Variants in ATXN7L1 observed in about 807,000 individuals in gnomAD.
ATXN7L1 encodes the protein ataxin 7 like 1.
ATXN7L1 carries 15 observed loss-of-function variants against 70.8 expected under a neutral mutation model. The observed-to-expected ratio is 0.21, with a 90% CI of 0.14 to 0.33. The LOEUF is 0.33. Ranked by LOEUF, ATXN7L1 falls within the 10% of genes least tolerant of loss-of-function variation. The pLI is 1.00. For synonymous variants in ATXN7L1, 440 were observed against 445.1 expected, an observed-to-expected ratio of 0.99 and a Z score of 0.14; for missense variants, 975 against 1,097.1, an observed-to-expected ratio of 0.89 and a Z score of 1.57.
intron 10 of ATXN7L1, among the ~76,000 whole-genome samples, chr7:105,611,818 AC>A (rs949959212): frequency 3.3e-5 from 5 of 152,096 alleles, no homozygotes; most frequent in African/African-American, 1.2e-4. Context: ...CGTTGCCCCG[AC>A]CCCGATCTCC....
At chr7:105,874,581 T>A (rs1201168517) in intron 2 of ATXN7L1, among the ~76,000 whole-genome samples, 1 of 152,228 alleles carries the variant, frequency 6.6e-6, no homozygotes, top group Non-Finnish European at 1.5e-5. Flanking sequence ...TAGAATAATG[T>A]TTTGTTCCCA....
intron 3 of ATXN7L1, among the ~76,000 whole-genome samples, chr7:105,704,498 G>C (rs182201662): frequency 2.0e-5 from 3 of 147,484 alleles, no homozygotes; most frequent in East Asian, 4.1e-4. Context: ...GGATGATACT[G>C]TTTAATTCAC....
chr7:105,855,870 A>G (rs906263208), intron 2 of ATXN7L1, among the ~76,000 whole-genome samples: 2 of 152,238 alleles, frequency 1.3e-5, no homozygotes, highest in African/African-American at 4.8e-5. Context: ...GATTATTTAA[A>G]GTCTATGAAA....
At chr7:105,718,844 GAGA>G (rs1794864819) in intron 3 of ATXN7L1, among the ~76,000 whole-genome samples, 1 of 152,236 alleles carries the variant, frequency 6.6e-6, no homozygotes, top group South Asian at 2.1e-4. Flanking sequence ...CAGAAGCCAA[GAGA>G]AGGTTACAGC....
At chr7:105,802,290 C>T (rs577218067) in intron 2 of ATXN7L1, among the ~76,000 whole-genome samples, 41 of 152,198 alleles carry the variant, frequency 2.7e-4, no homozygotes, top group African/African-American at 7.2e-4. Flanking sequence ...AATATGTGGA[C>T]GGCGCAGAGG....
intron 3 of ATXN7L1, among the ~76,000 whole-genome samples, chr7:105,757,868 G>A (rs981555872): frequency 1.3e-5 from 2 of 151,968 alleles, no homozygotes; most frequent in African/African-American, 2.4e-5. Context: ...GGGATTACAG[G>A]TGTGAGCTAC....
rs747136671 is a variant in ATXN7L1, at chr7:105,624,166, C to T, written c.1304G>A (p.Arg435Gln). 73 of 1,533,224 alleles carry T rather than the reference C, an allele frequency of 4.8e-5. No homozygotes were observed. The highest frequency in any genetic ancestry group is 3.4e-4 in the Middle Eastern group (2 of 5,920). The allele number at this position is 1,533,224 out of a possible 1,614,324, so 95.0% of individuals were successfully genotyped here. Residue 435 changes from arginine to glutamine, a missense_variant, in exon 8 of 12, where the codon CGA (arginine) becomes CAA (glutamine). This residue lies in a region of ATXN7L1 where 635 missense variants were observed against 699.4 expected (regional missense o/e 0.91). Transcript: ENST00000419735. ...LPPVGGDLAS[R>Q]LSSDEGEMDG... ...CATCTCCCCTTCATCACTGGACAGTCGGCTGGCGAGGTCACCTCCAACCGG... is the reference window on the plus strand; with the variant it reads ...CATCTCCCCTTCATCACTGGACAGTTGGCTGGCGAGGTCACCTCCAACCGG...
chr7:105,770,947 A>AT (rs1801899856), intron 3 of ATXN7L1, among the ~76,000 whole-genome samples: 1 of 152,108 alleles, frequency 6.6e-6, no homozygotes, highest in Admixed American at 6.5e-5. Flanking sequence ...CATGTCTGTA[A>AT]TCCCAGAACT....
intron 3 of ATXN7L1, among the ~76,000 whole-genome samples, chr7:105,705,970 C>G (rs745496875): frequency 2.0e-5 from 3 of 152,158 alleles, no homozygotes; most frequent in Non-Finnish European, 4.4e-5. Context: ...GGAACTTTTT[C>G]TTAGTACTGG....
chr7:105,732,208 G>A (rs1310138627), intron 3 of ATXN7L1, among the ~76,000 whole-genome samples: 2 of 152,126 alleles, frequency 1.3e-5, no homozygotes, highest in African/African-American at 4.8e-5. Context: ...TCAGGGGTTC[G>A]AGACTAGCCT....
At chr7:105,750,679 T>A (rs542700479) in intron 3 of ATXN7L1, among the ~76,000 whole-genome samples, 1 of 152,246 alleles carries the variant, frequency 6.6e-6, no homozygotes, top group East Asian at 1.9e-4. Flanking sequence ...GGCAGGCGCC[T>A]GTAATCCCAG....
intron 2 of ATXN7L1, among the ~76,000 whole-genome samples, chr7:105,815,719 A>G (rs1809084161): frequency 6.6e-6 from 1 of 152,246 alleles, no homozygotes; most frequent in Non-Finnish European, 1.5e-5. Context: ...TAGGTCCAAG[A>G]AAAACAGGGA....
intron 2 of ATXN7L1, among the ~76,000 whole-genome samples, chr7:105,846,328 A>G (rs1814034300): frequency 6.6e-6 from 1 of 152,194 alleles, no homozygotes; most frequent in African/African-American, 2.4e-5. Context: ...AAAATTTGTA[A>G]AAATGGCCAA....
At chr7:105,857,400 A>G (rs1815895639) in intron 2 of ATXN7L1, among the ~76,000 whole-genome samples, 1 of 152,210 alleles carries the variant, frequency 6.6e-6, no homozygotes. Context: ...AGGTGCTGCA[A>G]GTGAGTTCCT....
intron 1 of ATXN7L1, 91 bp downstream of exon 1, chr7:105,876,287 C>T: frequency 7.0e-7 from 1 of 1,429,394 alleles, no homozygotes. Flanking sequence ...GGGCCACTCT[C>T]TCTCTCACAC....
chr7:105,741,556 T>C (rs1206268182), intron 3 of ATXN7L1, among the ~76,000 whole-genome samples: 1 of 151,392 alleles, frequency 6.6e-6, no homozygotes, highest in Admixed American at 6.6e-5. Context: ...GGAAGGTGAG[T>C]GGGATGGGAA....
intron 10 of ATXN7L1, among the ~76,000 whole-genome samples, chr7:105,611,097 C>T (rs891546708): frequency 6.6e-6 from 1 of 152,246 alleles, no homozygotes; most frequent in South Asian, 2.1e-4. Flanking sequence ...GGAGATGTAA[C>T]GCACACGCAA....
chr7:105,621,489 A>G (rs1374096062), intron 8 of ATXN7L1, among the ~76,000 whole-genome samples: 1 of 152,248 alleles, frequency 6.6e-6, no homozygotes, highest in African/African-American at 2.4e-5. Context: ...GATAGTAGGC[A>G]TTTGGGCTAA....
chr7:105,778,525 A>ACC (rs1554460013), intron 3 of ATXN7L1, among the ~76,000 whole-genome samples: 2 of 108,330 alleles, frequency 1.8e-5, no homozygotes, highest in Non-Finnish European at 4.7e-5. Flanking sequence ...AAAAAAAAAA[A>ACC]AAAAAAAAAA....
Sources: gnomAD v4.1 joint callset for allele counts (sites outside exome capture counted in the v4.1 genomes callset) on GRCh38, gnomAD v4.1.1 for gene constraint, gnomAD v4.1.1 regional missense constraint, MANE v1.5 for transcripts, NCBI Gene and HGNC (gene_info 2026-07-23, HGNC 2026-07-21) for gene names.